WDPCP: variants seen among roughly 807,000 people sequenced by gnomAD.
WDPCP encodes WD repeat containing planar cell polarity effector, also known as WD repeat-containing and planar cell polarity effector protein fritz homolog.
A neutral mutation model predicts 93.1 loss-of-function variants in WDPCP; 71 were observed. The observed-to-expected ratio is 0.76, with a 90% CI of 0.63 to 0.93. The LOEUF (loss-of-function observed/expected upper bound fraction) is 0.93, where lower values mean the gene tolerates loss of function less well. WDPCP is among the 40% of genes least tolerant of loss of function. WDPCP has a pLI of 0.00. For missense variants in WDPCP, 844 were observed against 887.4 expected, an observed-to-expected ratio of 0.95 and a Z score of 0.62; for synonymous variants, 315 against 315.0, an observed-to-expected ratio of 1.00 and a Z score of 0.00.
chr2:63,384,694 C>T (rs2104935433), intron 10 of WDPCP, among the ~76,000 whole-genome samples: 1 of 151,510 alleles, frequency 6.6e-6, no homozygotes, highest in South Asian at 2.1e-4. Context: ...TAAGTCCAAC[C>T]TGGGCAAGAC....
chr2:63,452,504 A>G (rs1166871529), intron 6 of WDPCP, among the ~76,000 whole-genome samples: 1 of 152,226 alleles, frequency 6.6e-6, no homozygotes, highest in East Asian at 1.9e-4. Flanking sequence ...TATCGTGAAA[A>G]TGGCCATACT....
chr2:63,238,253 A>C (rs958543818), intron 14 of WDPCP, among the ~76,000 whole-genome samples: 2 of 152,182 alleles, frequency 1.3e-5, no homozygotes, highest in South Asian at 2.1e-4. Context: ...GCTAGCACAG[A>C]AAAAGGCCTA....
intron 12 of WDPCP, among the ~76,000 whole-genome samples, chr2:63,358,310 T>G (rs941524151): frequency 1.3e-5 from 2 of 148,394 alleles, no homozygotes; most frequent in African/African-American, 5.0e-5. Flanking sequence ...TATATTCCTG[T>G]TTTTTTTTTA....
rs974203533 is a variant in WDPCP at position 63,778,205 on chromosome 2, TTTTTTGTTTTTTG to T, written n.308+35404_308+35416del. On this transcript the variant is annotated intron_variant and non_coding_transcript_variant, in intron 2 of 4. Coordinates refer to the WDPCP transcript ENST00000467687. ...AGGTTGTCTCTCCCTTGTCCACTTG[TTTTTTGTTTTTTG>T]TTTTTTTGAGACAGAGTCTCACTCT... is the stretch of plus-strand genomic sequence containing the variant. Among the ~76,000 whole-genome samples the T allele has an allele frequency of 7.8e-4, 95 of 121,388 alleles. 1 individual carries two copies. Among genetic ancestry groups the T allele is most frequent in the African/African-American group, 3.6e-3 (85 of 23,470 alleles). 79.6% of individuals were successfully genotyped at this position (121,388 alleles called of 152,430 possible).
At chr2:63,471,138 T>A (rs1369383636) in intron 6 of WDPCP, among the ~76,000 whole-genome samples, 4 of 152,252 alleles carry the variant, frequency 2.6e-5, no homozygotes, top group Non-Finnish European at 5.9e-5. Flanking sequence ...CTGTCCTCTT[T>A]TAGAACATAA....
chr2:63,194,951 C>A (rs1160302140), intron 14 of WDPCP, among the ~76,000 whole-genome samples: 1 of 151,928 alleles, frequency 6.6e-6, no homozygotes, highest in African/African-American at 2.4e-5. Flanking sequence ...TTTTTTACAT[C>A]TAAAATGTAC....
At chr2:63,656,733 T>C (rs1310204256) in intron 2 of WDPCP, among the ~76,000 whole-genome samples, 1 of 152,246 alleles carries the variant, frequency 6.6e-6, no homozygotes, top group Non-Finnish European at 1.5e-5. Context: ...AGACTGTGAC[T>C]GTCCTCATGA....
intron 2 of WDPCP, among the ~76,000 whole-genome samples, chr2:63,776,348 T>A (rs1670302847): frequency 2.0e-5 from 3 of 151,458 alleles, no homozygotes; most frequent in African/African-American, 7.3e-5. Context: ...TGAATTGCCA[T>A]TTCACCAAAG....
At chr2:63,622,360 T>C in intron 3 of WDPCP, 1 of 1,601,814 alleles carries the variant, frequency 6.2e-7, no homozygotes, top group South Asian at 1.1e-5. Context: ...CCCTTCATAG[T>C]CTTGGTCACG....
At chr2:63,615,221 C>T (rs1709660081) in intron 3 of WDPCP, among the ~76,000 whole-genome samples, 1 of 152,168 alleles carries the variant, frequency 6.6e-6, no homozygotes, top group Admixed American at 6.5e-5. Flanking sequence ...GGGTAATTGG[C>T]AAGTTTCACA....
At chr2:63,483,488 C>T (rs999846771) in intron 6 of WDPCP, among the ~76,000 whole-genome samples, 1 of 151,592 alleles carries the variant, frequency 6.6e-6, no homozygotes, top group Non-Finnish European at 1.5e-5. Context: ...GAGAAGGTAA[C>T]TAAATAGTTG....
chr2:63,562,632 A>C (rs537796603), intron 1 of WDPCP, among the ~76,000 whole-genome samples: 1 of 152,354 alleles, frequency 6.6e-6, no homozygotes, highest in South Asian at 2.1e-4. Context: ...AGAATTGCCA[A>C]AGATGATTTT....
intron 12 of WDPCP, among the ~76,000 whole-genome samples, chr2:63,325,817 G>A (rs1224436493): frequency 1.3e-5 from 2 of 152,208 alleles, no homozygotes; most frequent in African/African-American, 2.4e-5. Flanking sequence ...AGTCTGGGCA[G>A]TGGAAGGAAC....
intron 12 of WDPCP, among the ~76,000 whole-genome samples, chr2:63,371,448 T>C (rs539989320): frequency 1.4e-4 from 21 of 152,092 alleles, no homozygotes; most frequent in Non-Finnish European, 2.9e-4. Context: ...AAATCATCTA[T>C]TGAGTTCCCC....
At chr2:63,437,963 G>T in intron 7 of WDPCP, 2 of 1,490,498 alleles carry the variant, frequency 1.3e-6, no homozygotes, top group South Asian at 1.4e-5. Context: ...TTTATTAGGG[G>T]ATACTGATCA....
At chr2:63,772,013 T>C (rs1009745045) in intron 2 of WDPCP, among the ~76,000 whole-genome samples, 4 of 152,048 alleles carry the variant, frequency 2.6e-5, no homozygotes, top group African/African-American at 9.7e-5. Flanking sequence ...AACATATGAG[T>C]GCATGTGTCT....
intron 13 of WDPCP, among the ~76,000 whole-genome samples, chr2:63,304,953 C>T (rs773226074): frequency 6.6e-6 from 1 of 152,060 alleles, no homozygotes; most frequent in African/African-American, 2.4e-5. Context: ...GGCAGTTTTC[C>T]CCTCACGTTG....
chr2:63,183,545 A>G (rs1674402322), intron 14 of WDPCP, among the ~76,000 whole-genome samples: 1 of 152,052 alleles, frequency 6.6e-6, no homozygotes, highest in African/African-American at 2.4e-5. Flanking sequence ...TTTGTGACCT[A>G]ATATATGGTC....
At chr2:63,496,183 A>C (rs992034187) in intron 1 of WDPCP, among the ~76,000 whole-genome samples, 5 of 152,188 alleles carry the variant, frequency 3.3e-5, no homozygotes, top group Admixed American at 2.6e-4. Context: ...GTCTTATGTA[A>C]ATTAAATACA....
Sources: gnomAD v4.1 joint callset for allele counts (sites outside exome capture counted in the v4.1 genomes callset) on GRCh38, gnomAD v4.1.1 for gene constraint, MANE v1.5 for transcripts, NCBI Gene and HGNC (gene_info 2026-07-23, HGNC 2026-07-21) for gene names.